Variants in RALGAPA1 observed in about 807,000 individuals in gnomAD.
The protein encoded by RALGAPA1 is ral GTPase-activating protein subunit alpha-1.
A neutral mutation model predicts 269.6 loss-of-function variants in RALGAPA1; 52 were observed. The ratio of observed to expected loss-of-function variants is 0.19; its 90% CI spans 0.15 to 0.24. The LOEUF (loss-of-function observed/expected upper bound fraction) is 0.24, where lower values mean the gene tolerates loss of function less well. RALGAPA1 is among the 10% of genes least tolerant of loss of function. The pLI is 1.00. For missense variants in RALGAPA1, 1,917 were observed against 3,013.9 expected (o/e 0.64, Z 8.52); for synonymous variants, 817 against 1,008.3 (o/e 0.81, Z 3.60).
chr14:35,643,363 T>C (rs2062160372), intron 31 of RALGAPA1, among the ~76,000 whole-genome samples: 1 of 151,752 alleles, frequency 6.6e-6, no homozygotes, highest in South Asian at 2.1e-4. Context: ...ATAAAATGGG[T>C]TTATCCAAAA....
intron 27 of RALGAPA1, among the ~76,000 whole-genome samples, chr14:35,663,781 T>A (rs893526081): frequency 6.6e-6 from 1 of 151,796 alleles, no homozygotes; most frequent in Non-Finnish European, 1.5e-5. Context: ...TTAGTAGAGA[T>A]AGGGTTTCAC....
intron 7 of RALGAPA1, among the ~76,000 whole-genome samples, chr14:35,753,897 A>G (rs375831900): frequency 2.0e-4 from 30 of 152,304 alleles, no homozygotes; most frequent in Middle Eastern, 3.4e-3. Context: ...GCGTAATTAC[A>G]AAGTCAAAAG....
In RALGAPA1 at chr14:35,591,287, G is replaced by GGTAT. The variant is rs2058617721; in HGVS notation, c.7209+4346_7209+4347insATAC. 3.8e-5 allele frequency among the ~76,000 whole-genome samples: 5 copies of GGTAT among 133,264 alleles called. No homozygotes were observed. The South Asian group carries it at 1.3e-3, about 35-fold the overall frequency. The allele number at this position is 133,264 out of a possible 152,430, so 87.4% of individuals were successfully genotyped here. A position where few individuals can be genotyped will look rare whatever the true frequency, so the allele number is the denominator to read the frequency against. On this transcript the variant is annotated intron_variant, in intron 37 of 41. Coordinates refer to ENST00000680220, the MANE Select transcript of RALGAPA1 (RefSeq NM_001346249.2). Reference sequence around the variant, plus strand: ...GGATACAGCATGTTATATTTTAAGTGCTATGTATGTATGTATGTATGTATG... The same window carrying GGTAT: ...GGATACAGCATGTTATATTTTAAGTGGTATCTATGTATGTATGTATGTATGTATG...
chr14:35,746,717 A>G (rs2141210170), intron 10 of RALGAPA1, among the ~76,000 whole-genome samples: 1 of 152,290 alleles, frequency 6.6e-6, no homozygotes, highest in Non-Finnish European at 1.5e-5. Flanking sequence ...AATATATAAC[A>G]AATACACACC....
chr14:35,755,003 C>T lies in RALGAPA1; in HGVS notation c.663+1790G>A, dbSNP rs372317847. Among the ~76,000 whole-genome samples, 20 of 152,034 alleles carry T rather than the reference C, an allele frequency of 1.3e-4. No individual in the cohort carries two copies. The East Asian group carries it at 3.7e-3, about 28-fold the overall frequency. On this transcript the variant is annotated intron_variant, in intron 7 of 41. Transcript: ENST00000680220. ...TATTCTATAATGACAAAAAACAGAT[C>T]AATGGATGTCTAAAGATAAAATGGT... is the stretch of plus-strand genomic sequence containing the variant.
intron 1 of RALGAPA1, among the ~76,000 whole-genome samples, chr14:35,791,177 C>A (rs913641856): frequency 2.6e-5 from 4 of 152,088 alleles, no homozygotes; most frequent in African/African-American, 7.2e-5. Context: ...AGCAATATTA[C>A]AATAGTAGGA....
At chr14:35,744,967 T>G (rs1254560738) in intron 10 of RALGAPA1, among the ~76,000 whole-genome samples, 1 of 152,202 alleles carries the variant, frequency 6.6e-6, no homozygotes, top group African/African-American at 2.4e-5. Context: ...CTTAAAAAAT[T>G]AATATCATCC....
chr14:35,624,448 G>T (rs1339414500), intron 35 of RALGAPA1, among the ~76,000 whole-genome samples: 1 of 152,038 alleles, frequency 6.6e-6, no homozygotes, highest in Non-Finnish European at 1.5e-5. Flanking sequence ...ACTGAGGAAA[G>T]TTTTGTTTTA....
At chr14:35,737,846 G>C (rs1178837689) in intron 12 of RALGAPA1, among the ~76,000 whole-genome samples, 1 of 147,838 alleles carries the variant, frequency 6.8e-6, no homozygotes, top group Non-Finnish European at 1.5e-5. Flanking sequence ...CAGCACTTTG[G>C]GAGGCTGAAG....
At chr14:35,630,364 T>C (rs892540871) in intron 33 of RALGAPA1, among the ~76,000 whole-genome samples, 3 of 152,034 alleles carry the variant, frequency 2.0e-5, no homozygotes, top group Non-Finnish European at 4.4e-5. Flanking sequence ...CTTGGCTCAC[T>C]GCAGCCTCTG....
At chr14:35,797,827 G>A (rs1416220929) in intron 1 of RALGAPA1, among the ~76,000 whole-genome samples, 4 of 146,330 alleles carry the variant, frequency 2.7e-5, no homozygotes, top group Non-Finnish European at 6.0e-5. Flanking sequence ...CCTGGGAAAC[G>A]AGCAAAATTA....
chr14:35,600,238 T>TTTTC (rs1307287290), intron 36 of RALGAPA1, among the ~76,000 whole-genome samples: 1 of 143,596 alleles, frequency 7.0e-6, no homozygotes, highest in African/African-American at 2.6e-5. Context: ...TTTTCTTTTT[T>TTTTC]TTTTTTTTTT....
chr14:35,551,899 T>C (rs1161267188), intron 39 of RALGAPA1, among the ~76,000 whole-genome samples: 2 of 152,130 alleles, frequency 1.3e-5, no homozygotes, highest in African/African-American at 4.8e-5. Context: ...TTTCTAAAAT[T>C]ATTTTAAAAG....
At chr14:35,614,557 G>T (rs1380234651) in intron 35 of RALGAPA1, among the ~76,000 whole-genome samples, 1 of 152,084 alleles carries the variant, frequency 6.6e-6, no homozygotes, top group African/African-American at 2.4e-5. Context: ...CTAAGGCTGG[G>T]GGGAAAGAAA....
At chr14:35,760,558 C>T (rs1232232835) in intron 6 of RALGAPA1, among the ~76,000 whole-genome samples, 1 of 152,254 alleles carries the variant, frequency 6.6e-6, no homozygotes, top group East Asian at 1.9e-4. Flanking sequence ...CCCCTGTTCT[C>T]TCTGCCTCCT....
In RALGAPA1 at chr14:35,700,031, TCACTTTCC is replaced by T. The variant is rs200580583; in HGVS notation, c.2407+123_2407+130del. 1,627 of 748,062 alleles carry T rather than the reference TCACTTTCC, an allele frequency of 2.2e-3. 23 individuals are homozygous for T. In the African/African-American group the frequency reaches 0.026, roughly 12 times the overall value. The allele number at this position is 748,062 out of a possible 1,614,324, so 46.3% of individuals were successfully genotyped here. A position where few individuals can be genotyped will look rare whatever the true frequency, so the allele number is the denominator to read the frequency against. On this transcript the variant is annotated intron_variant, in intron 17 of 41. Coordinates refer to ENST00000680220, the MANE Select transcript of RALGAPA1 (RefSeq NM_001346249.2). ...ATAACTCAAAATGTTGATTTCTCAA[TCACTTTCC>T]CACTTTCCCACACCTCCCCCAAAGA...
intron 1 of RALGAPA1, among the ~76,000 whole-genome samples, chr14:35,802,970 G>T (rs897877479): frequency 6.6e-6 from 1 of 152,012 alleles, no homozygotes; most frequent in African/African-American, 2.4e-5. Context: ...TTACAGGTGT[G>T]AGCCACCACA....
intron 37 of RALGAPA1, among the ~76,000 whole-genome samples, chr14:35,591,986 CT>C (rs1369639434): frequency 2.6e-5 from 4 of 152,214 alleles, no homozygotes; most frequent in Non-Finnish European, 5.9e-5. Flanking sequence ...TCCCCTTTGC[CT>C]TTTGCCACGA....
intron 31 of RALGAPA1, among the ~76,000 whole-genome samples, chr14:35,644,277 G>C (rs2062231753): frequency 6.6e-6 from 1 of 152,118 alleles, no homozygotes; most frequent in South Asian, 2.1e-4. Flanking sequence ...CCAAAGCAAA[G>C]ACTATCTAGG....
Sources: gnomAD v4.1 joint callset for allele counts (sites outside exome capture counted in the v4.1 genomes callset) on GRCh38, gnomAD v4.1.1 for gene constraint, MANE v1.5 for transcripts, NCBI Gene and HGNC (gene_info 2026-07-23, HGNC 2026-07-21) for gene names.